The following PLEKHG5 variants were observed in gnomAD, a reference collection of about 807,000 sequenced individuals.
PLEKHG5 encodes pleckstrin homology and RhoGEF domain containing G5.
In PLEKHG5, 52 loss-of-function variants were observed where a neutral mutation model predicts 103.8. The ratio of observed to expected loss-of-function variants is 0.50; its 90% CI spans 0.40 to 0.63. PLEKHG5 has a LOEUF of 0.63. Ranked by LOEUF, PLEKHG5 falls within the 30% of genes least tolerant of loss-of-function variation. PLEKHG5 has a pLI of 0.00. For synonymous variants in PLEKHG5, 592 were observed against 575.5 expected (o/e 1.03, Z -0.41); for missense variants, 1,205 against 1,347.6 (o/e 0.89, Z 1.66).
At chr1:6,472,719 T>A in intron 9 of PLEKHG5, 97 bp from the exon 10 acceptor site, 1 of 901,884 alleles carries the variant, frequency 1.1e-6, no homozygotes, top group Non-Finnish European at 1.8e-6. Flanking sequence ...ATTTTCCCAA[T>A]GGGGACATGG....
chr1:6,474,763 G>A lies in PLEKHG5; in HGVS notation c.303-176C>T, dbSNP rs1644709887. 5 of 704,892 alleles carry A rather than the reference G, an allele frequency of 7.1e-6. 1 individual carries two copies. Among genetic ancestry groups the A allele is most frequent in the East Asian group, 2.7e-5 (1 of 37,146 alleles). The allele number at this position is 704,892 out of a possible 1,614,324, so 43.7% of individuals were successfully genotyped here. ...GGTCCACAGACACCTGCCCGCAGAG[G>A]TGCTCACACAGGCGCATCTGCATAC... is the stretch of plus-strand genomic sequence containing the variant. On this transcript the variant is annotated intron_variant, in intron 5 of 20. Transcript: ENST00000377728.
chr1:6,470,602 GCACGCGTT>G lies in PLEKHG5; in HGVS notation c.1576_1583del (p.Asn526HisfsTer126). On this transcript the variant is annotated frameshift_variant, in exon 15 of 21. Transcript: ENST00000377728. LOFTEE classifies it high-confidence loss of function. ...GCTGCCGCTCCTGCCGCTGCCGCAT[GCACGCGTT>G]CACGTGGTGGATGAAGCGCTCCACG... 6.2e-7 allele frequency: 1 copy of G among 1,600,796 alleles called. No homozygotes were observed. Among genetic ancestry groups the G allele is most frequent in the East Asian group, 2.2e-5 (1 of 44,492 alleles).
At chr1:6,482,417 G>A (rs888328958) in intron 1 of PLEKHG5, among the ~76,000 whole-genome samples, 3 of 152,318 alleles carry the variant, frequency 2.0e-5, no homozygotes, top group African/African-American at 4.8e-5. Context: ...AGAGATTTCC[G>A]AGATAGGCGT....
chr1:6,495,254 G>A (rs1189452489), upstream of PLEKHG5, among the ~76,000 whole-genome samples: 1 of 152,204 alleles, frequency 6.6e-6, no homozygotes, highest in Non-Finnish European at 1.5e-5. Flanking sequence ...GGCACCATCC[G>A]TGCCAGCAGA....
intron 1 of PLEKHG5, among the ~76,000 whole-genome samples, chr1:6,480,266 T>C (rs1282135089): frequency 6.6e-6 from 1 of 152,076 alleles, no homozygotes. Flanking sequence ...CGGTGGCTCA[T>C]GCCTGTAATC....
chr1:6,468,170 G>T lies in PLEKHG5; in HGVS notation c.2666C>A (p.Ala889Asp). The part of the protein sequence containing the change: ...EASLLQLLAG[A>D]GTHGTPSAPS... ...GGCAGAGGGTGTCCCATGGGTGCCA[G>T]CCCCTGCCAGCAGCTGGAGGAGGCT... Residue 889 changes from alanine to aspartate, a missense_variant, in exon 20 of 21, where the codon GCT becomes GAT. Transcript: ENST00000377728. 6.4e-7 allele frequency: 1 copy of T among 1,568,958 alleles called. No individual in the cohort carries two copies.
chr1:6,497,823 C>A (rs1443067491), upstream of PLEKHG5, among the ~76,000 whole-genome samples: 2 of 152,212 alleles, frequency 1.3e-5, no homozygotes, highest in Non-Finnish European at 2.9e-5. This position sits in a 1 kb window ranked among gnomAD's most constrained non-coding sequence, Gnocchi z 6.1. Context: ...GCTCTTGCTG[C>A]ATGTCCTCTG....
chr1:6,501,333 T>G (rs1013651901), upstream of PLEKHG5, among the ~76,000 whole-genome samples: 5 of 152,216 alleles, frequency 3.3e-5, no homozygotes, highest in Non-Finnish European at 5.9e-5. The surrounding 1 kb of genome is among the most constrained non-coding windows in gnomAD (Gnocchi z 4.3). Flanking sequence ...CATCGCTGTC[T>G]GCTGCCATCC....
chr1:6,489,282 C>G (rs1216344044), intron 1 of PLEKHG5, among the ~76,000 whole-genome samples: 1 of 152,206 alleles, frequency 6.6e-6, no homozygotes, highest in Non-Finnish European at 1.5e-5. Context: ...TCTCTACGCT[C>G]CACCCGGCCT....
At chr1:6,513,754 T>C (rs1416313507) in intron 1 of PLEKHG5, among the ~76,000 whole-genome samples, 1 of 152,246 alleles carries the variant, frequency 6.6e-6, no homozygotes, top group Non-Finnish European at 1.5e-5. Context: ...ACACTGGTCC[T>C]GTTGGTTGGA....
At chr1:6,485,375 C>T in intron 1 of PLEKHG5, 1 of 1,415,348 alleles carries the variant, frequency 7.1e-7, no homozygotes. Flanking sequence ...GCTCCGAGTC[C>T]CGGAGGGGCA....
intron 20 of PLEKHG5, 107 bp downstream of exon 20, chr1:6,467,718 A>T: frequency 1.3e-6 from 2 of 1,499,596 alleles, no homozygotes; most frequent in Non-Finnish European, 9.3e-7. Context: ...GGCAGGGTTC[A>T]GGCTCCCTCC....
chr1:6,517,844 A>G (rs1323756796), intron 1 of PLEKHG5, among the ~76,000 whole-genome samples: 1 of 152,246 alleles, frequency 6.6e-6, no homozygotes, highest in Non-Finnish European at 1.5e-5. Flanking sequence ...TTCCCAGACC[A>G]GGCTCCAACT....
At position 6,474,771 on chromosome 1, in the gene PLEKHG5, A is replaced by C; in HGVS notation, c.303-184T>G. ...GACACCTGCCCGCAGAGGTGCTCAC[A>C]CAGGCGCATCTGCATACCACGGCAG... is the stretch of plus-strand genomic sequence containing the variant. On this transcript the variant is annotated intron_variant, in intron 5 of 20. Transcript: ENST00000377728. The C allele has an allele frequency of 4.4e-6, 3 of 688,164 alleles. No homozygotes were observed. In the South Asian group the frequency reaches 5.0e-5, roughly 11 times the overall value. 42.6% of individuals were successfully genotyped at this position (688,164 alleles called of 1,614,324 possible).
At chr1:6,471,313 G>A (rs959515343) in intron 12 of PLEKHG5, 175 bp downstream of exon 12, 4 of 825,510 alleles carry the variant, frequency 4.8e-6, no homozygotes, top group Admixed American at 2.4e-5. Context: ...GTCAGGTGGA[G>A]GCTCAAACCC....
Position 6,490,693 on chromosome 1 carries a change from G to A in PLEKHG5, c.-88+944C>T, listed in dbSNP as rs544942555. On this transcript the variant is annotated intron_variant, in intron 1 of 20. Coordinates refer to ENST00000377728, the MANE Select transcript of PLEKHG5 (RefSeq NM_020631.6). The surrounding 1 kb of genome is among the most constrained non-coding windows in gnomAD (Gnocchi z 8.0). ...GGACCGGGGAGAGGAGGGGTCCCAGGAAGGGCCCCGCGCCGGAGCCAGGGA... is the reference window on the plus strand; with the variant it reads ...GGACCGGGGAGAGGAGGGGTCCCAGAAAGGGCCCCGCGCCGGAGCCAGGGA... The A allele has an allele frequency of 5.3e-6, 4 of 748,418 alleles. No individual in the cohort carries two copies. The highest frequency in any genetic ancestry group is 1.9e-5 in the African/African-American group (1 of 52,504). The allele number at this position is 748,418 out of a possible 1,614,324, so 46.4% of individuals were successfully genotyped here.
At chr1:6,482,747 T>C (rs544687071) in intron 1 of PLEKHG5, among the ~76,000 whole-genome samples, 74 of 152,282 alleles carry the variant, frequency 4.9e-4, no homozygotes, top group Admixed American at 1.2e-3. Context: ...CTCGCTCTGT[T>C]GCCCAGGCTG....
rs1320247319 is a variant in PLEKHG5, at chr1:6,471,579, A to T, written c.1190T>A (p.Leu397Gln). The T allele has an allele frequency of 6.2e-7, 1 of 1,601,522 alleles. No homozygotes were observed. The highest frequency in any genetic ancestry group is 1.1e-5 in the South Asian group (1 of 89,258). Reference sequence around the variant, plus strand: ...CACCGGCGCCATCACGCTAGCCCACAGCCTGCGGTGCAGCTGCGCGATCTC... The same window carrying T: ...CACCGGCGCCATCACGCTAGCCCACTGCCTGCGGTGCAGCTGCGCGATCTC... ...IPEIAQLHRRLWASVMAPVLE... is the reference protein window; with the variant it reads ...IPEIAQLHRRQWASVMAPVLE... Residue 397 changes from leucine to glutamine, a missense_variant, in exon 12 of 21, where the codon CTG becomes CAG. By Grantham distance (113) the Leu-to-Gln change is moderately radical. Coordinates refer to ENST00000377728, the MANE Select transcript of PLEKHG5 (RefSeq NM_020631.6).
intron 1 of PLEKHG5, among the ~76,000 whole-genome samples, chr1:6,508,183 T>TCGG (rs1553179962): frequency 6.6e-6 from 1 of 151,764 alleles, no homozygotes; most frequent in East Asian, 1.9e-4. Flanking sequence ...AGCGGTCACC[T>TCGG]GGGGCCCCAC....
Sources: gnomAD v4.1 joint callset for allele counts (sites outside exome capture counted in the v4.1 genomes callset) on GRCh38, gnomAD v4.1.1 for gene constraint, Gnocchi (gnomAD v3.1) non-coding constraint, MANE v1.5 for transcripts, NCBI Gene and HGNC (gene_info 2026-07-23, HGNC 2026-07-21) for gene names.